Variants in BEND2 observed in about 807,000 individuals in gnomAD.
BEND2 encodes the protein BEN domain containing 2, also known as BEN domain-containing protein 2.
BEND2 carries 19 observed loss-of-function variants against 43.8 expected under a neutral mutation model. That is an observed-to-expected ratio of 0.43 (90% CI 0.30 to 0.64). The LOEUF (loss-of-function observed/expected upper bound fraction) is 0.64, where lower values mean the gene tolerates loss of function less well. BEND2 is among the 30% of genes least tolerant of loss of function. BEND2 has a pLI of 0.11. For synonymous variants in BEND2, 226 were observed against 210.1 expected (o/e 1.08, Z -0.66); for missense variants, 544 against 574.0 (o/e 0.95, Z 0.53).
chrX:18,194,846 C>T (rs2147414268), intron 7 of BEND2, among the ~76,000 whole-genome samples: 1 of 110,393 alleles, frequency 9.1e-6, no homozygotes, highest in South Asian at 3.9e-4. Flanking sequence ...GGAAGGGTGA[C>T]CTGAGAGAGT....
chrX:18,196,078 C>T (rs1328384457), intron 6 of BEND2, among the ~76,000 whole-genome samples: 2 of 111,064 alleles, frequency 1.8e-5, no homozygotes, highest in Non-Finnish European at 3.8e-5. Flanking sequence ...GTGGGCGGAT[C>T]CCCTGAGGTC....
intron 8 of BEND2, among the ~76,000 whole-genome samples, chrX:18,189,679 A>G (rs1416000924): frequency 8.9e-6 from 1 of 112,258 alleles, no homozygotes; most frequent in African/African-American, 3.2e-5. Context: ...AAACATTACT[A>G]TAAGACAAGA....
chrX:18,190,772 A>T (rs1167497930), intron 8 of BEND2, among the ~76,000 whole-genome samples: 6 of 108,980 alleles, frequency 5.5e-5, no homozygotes, highest in African/African-American at 2.0e-4. Context: ...TCTCTCACAC[A>T]CACACACACA....
intron 8 of BEND2, 134 bp from the exon 9 acceptor site, chrX:18,180,784 T>C: frequency 4.2e-6 from 2 of 474,417 alleles, no homozygotes; most frequent in South Asian, 3.6e-5. Context: ...TTTTTTTTTT[T>C]CTTTCTTTCT....
At chrX:18,185,176 A>C (rs1924523600) in intron 8 of BEND2, among the ~76,000 whole-genome samples, 1 of 109,954 alleles carries the variant, frequency 9.1e-6, no homozygotes, top group Admixed American at 9.8e-5. Flanking sequence ...CAAAATGGCA[A>C]ATCTAAGAGT....
chrX:18,180,520 A>T lies in BEND2; in HGVS notation c.1419T>A (p.Pro473=). ...TTATTTCAAACTCACCATACTTGGG[A>T]GGGATACAGACAGATGATGAGGAAG... is the stretch of plus-strand genomic sequence containing the variant. ...QDSSSSSVCI[P]PKYGYLGDPK... is the part of the protein sequence containing the mutation. Residue 473 remains proline (P), a synonymous_variant, in exon 9 of 14, where the codon CCT becomes CCA. Transcript: ENST00000380033. 1.7e-6 allele frequency: 2 copies of T among 1,206,442 alleles called. No homozygotes were observed. The highest frequency in any genetic ancestry group is 2.2e-6 in the Non-Finnish European group (2 of 891,029).
chrX:18,177,597 G>A lies in BEND2; in HGVS notation c.1602C>T (p.Leu534=), dbSNP rs149324488. 65 of 1,208,737 alleles carry A rather than the reference G, an allele frequency of 5.4e-5. No individual in the cohort carries two copies. The highest frequency in any genetic ancestry group is 1.8e-4 in the East Asian group (6 of 33,699). Residue 534 remains leucine (L), a synonymous_variant, in exon 10 of 14, where the codon CTC becomes CTT. Transcript: ENST00000380033. ...VDIHLKDSQS[L]DPNKMAALRE... Reference sequence around the variant, plus strand: ...TCAATGCAGCCATTTTGTTCGGGTCGAGGGATTGGCTGTCTTTCAAATGGA... The same window carrying A: ...TCAATGCAGCCATTTTGTTCGGGTCAAGGGATTGGCTGTCTTTCAAATGGA...
intron 4 of BEND2, among the ~76,000 whole-genome samples, chrX:18,212,261 A>AT (rs1210996455): frequency 3.0e-4 from 32 of 105,117 alleles, no homozygotes; most frequent in African/African-American, 4.1e-4. Context: ...CGCCAAGCTA[A>AT]TTTTTTTTTT....
chrX:18,196,857 G>A, intron 6 of BEND2, among the ~76,000 whole-genome samples: 1 of 111,410 alleles, frequency 9.0e-6, no homozygotes, highest in Non-Finnish European at 1.9e-5. Flanking sequence ...AGATGAGGCA[G>A]CCTGGTGGTG....
rs1319550834 is a variant in BEND2 at position 18,164,994 on chromosome X, T to C, written c.*15A>G. 2 of 1,170,131 alleles carry C rather than the reference T, an allele frequency of 1.7e-6. No homozygotes were observed. The highest frequency in any genetic ancestry group is 1.9e-5 in the African/African-American group (1 of 53,618). ...TTAACAGTTAAAAAAAAAAAAAAAG[T>C]TTGGCAGCTGCCGTTCAGGTGCTTG... is the stretch of plus-strand genomic sequence containing the variant. On this transcript the variant is annotated 3_prime_UTR_variant, in exon 14 of 14. Transcript: ENST00000380033.
intron 8 of BEND2, among the ~76,000 whole-genome samples, chrX:18,186,310 T>G (rs1475935651): frequency 9.1e-6 from 1 of 109,486 alleles, no homozygotes; most frequent in Non-Finnish European, 1.9e-5. Flanking sequence ...ATACAAAAAG[T>G]AGCCAGGCGT....
intron 8 of BEND2, among the ~76,000 whole-genome samples, chrX:18,186,084 G>A (rs767453174): frequency 8.9e-6 from 1 of 111,906 alleles, no homozygotes; most frequent in South Asian, 3.7e-4. Flanking sequence ...CACTGTAATT[G>A]TGCTGTATAA....
chrX:18,187,035 A>G (rs1924599922), intron 8 of BEND2, among the ~76,000 whole-genome samples: 1 of 109,895 alleles, frequency 9.1e-6, no homozygotes, highest in South Asian at 3.9e-4. Context: ...TGCCACCAGA[A>G]AAAATTACCT....
intron 9 of BEND2, 66 bp downstream of exon 9, chrX:18,180,443 GC>G: frequency 8.5e-7 from 1 of 1,177,987 alleles, no homozygotes; most frequent in Non-Finnish European, 1.1e-6. Context: ...TCACTGTCTT[GC>G]ATCAAGGAAG....
At chrX:18,190,164 G>A (rs980996368) in intron 8 of BEND2, among the ~76,000 whole-genome samples, 3 of 111,624 alleles carry the variant, frequency 2.7e-5, no homozygotes, top group African/African-American at 9.8e-5. Flanking sequence ...AATAGTTGAC[G>A]GTTTCTTATA....
Position 18,203,644 on chromosome X carries a change from G to C in BEND2, c.764C>G (p.Thr255Arg). The C allele has an allele frequency of 8.3e-7, 1 of 1,211,694 alleles. No individual in the cohort carries two copies. The highest frequency in any genetic ancestry group is 1.1e-6 in the Non-Finnish European group (1 of 895,303). Residue 255 changes from threonine (T) to arginine (R), a missense_variant, in exon 5 of 14, where the codon ACA becomes AGA. This residue lies in a region of BEND2 where 501 missense variants were observed against 501.6 expected (regional missense o/e 1.00). Coordinates refer to ENST00000380033, the MANE Select transcript of BEND2 (RefSeq NM_153346.5). Reference protein sequence around the residue: ...NAVISFANATTAVPMAVLSRR... With the variant: ...NAVISFANATRAVPMAVLSRR... ...TGACAGAACTGCCATAGGTACTGCT[G>C]TAGTAGCATTGGCAAATGAGATGAC... is the stretch of plus-strand genomic sequence containing the variant.
intron 3 of BEND2, 36 bp downstream of exon 3, chrX:18,213,738 A>G (rs753549100): frequency 6.9e-6 from 1 of 144,669 alleles, no homozygotes; most frequent in Non-Finnish European, 1.3e-5. Context: ...ATAGCAAGAT[A>G]TCATCTCTAC....
chrX:18,186,552 T>G (rs1415211220), intron 8 of BEND2, among the ~76,000 whole-genome samples: 1 of 111,157 alleles, frequency 9.0e-6, no homozygotes, highest in Non-Finnish European at 1.9e-5. Flanking sequence ...GAGTTTTCAT[T>G]AGTTTTCTTT....
intron 2 of BEND2, among the ~76,000 whole-genome samples, chrX:18,215,105 C>A (rs1024090400): frequency 1.1e-4 from 12 of 111,705 alleles, no homozygotes; most frequent in African/African-American, 3.9e-4. Context: ...TAATTTTTCA[C>A]TATTTTGATA....
Sources: gnomAD v4.1 joint callset for allele counts (sites outside exome capture counted in the v4.1 genomes callset) on GRCh38, gnomAD v4.1.1 for gene constraint, gnomAD v4.1.1 regional missense constraint, MANE v1.5 for transcripts, NCBI Gene and HGNC (gene_info 2026-07-23, HGNC 2026-07-21) for gene names.